The following ADIPOR2 variants were observed in gnomAD, a reference collection of about 807,000 sequenced individuals.
ADIPOR2 encodes the protein adiponectin receptor 2.
ADIPOR2 carries 18 observed loss-of-function variants against 40.9 expected under a neutral mutation model. The observed-to-expected ratio is 0.44, with a 90% CI of 0.30 to 0.65. The LOEUF is 0.65. Among genes scored for constraint, ADIPOR2 ranks in the 30% least tolerant of loss-of-function variants. The pLI is 0.09. For synonymous variants in ADIPOR2, 165 were observed against 166.4 expected, an observed-to-expected ratio of 0.99 and a Z score of 0.06; for missense variants, 283 against 479.2, an observed-to-expected ratio of 0.59 and a Z score of 3.82.
intron 1 of ADIPOR2, among the ~76,000 whole-genome samples, chr12:1,720,498 G>T (rs1022858052): frequency 6.6e-6 from 1 of 152,184 alleles, no homozygotes; most frequent in Non-Finnish European, 1.5e-5. Flanking sequence ...TTCTTTCACA[G>T]CTAGACTGTC....
chr12:1,729,409 C>T (rs190426719), intron 1 of ADIPOR2, among the ~76,000 whole-genome samples: 2 of 151,564 alleles, frequency 1.3e-5, no homozygotes, highest in Non-Finnish European at 2.9e-5. Flanking sequence ...GAATGATAGC[C>T]ATAGGAAGGG....
intron 4 of ADIPOR2, among the ~76,000 whole-genome samples, chr12:1,779,700 G>T (rs1219309298): frequency 2.0e-5 from 3 of 152,208 alleles, no homozygotes; most frequent in Non-Finnish European, 4.4e-5. Flanking sequence ...CTGCCTGCTA[G>T]TATAGTGAGA....
chr12:1,757,396 T>G, intron 2 of ADIPOR2: 1 of 725,604 alleles, frequency 1.4e-6, no homozygotes, highest in East Asian at 2.5e-5. Flanking sequence ...GCATCTTTCA[T>G]GTGAACCACA....
At chr12:1,738,300 G>T (rs1473425613) in intron 1 of ADIPOR2, among the ~76,000 whole-genome samples, 2 of 151,760 alleles carry the variant, frequency 1.3e-5, no homozygotes, top group Non-Finnish European at 2.9e-5. Context: ...AGGATCACTT[G>T]AATCTGGGAA....
intron 1 of ADIPOR2, among the ~76,000 whole-genome samples, chr12:1,753,852 T>G (rs1862056388): frequency 6.6e-6 from 1 of 152,136 alleles, no homozygotes; most frequent in Non-Finnish European, 1.5e-5. Flanking sequence ...TATACTATTT[T>G]TTAAATTAAA....
At chr12:1,707,758 C>T (rs191928154) in intron 1 of ADIPOR2, among the ~76,000 whole-genome samples, 1 of 152,168 alleles carries the variant, frequency 6.6e-6, no homozygotes, top group African/African-American at 2.4e-5. Context: ...TAGGTGTCAG[C>T]CACCATGCCT....
At chr12:1,781,878 T>C (rs1862727138) in intron 6 of ADIPOR2, among the ~76,000 whole-genome samples, 1 of 152,212 alleles carries the variant, frequency 6.6e-6, no homozygotes, top group East Asian at 1.9e-4. Context: ...CACTCTGCCG[T>C]CCTCCTTTTT....
At chr12:1,744,107 T>C (rs1009243785) in intron 1 of ADIPOR2, among the ~76,000 whole-genome samples, 27 of 151,998 alleles carry the variant, frequency 1.8e-4, no homozygotes, top group African/African-American at 6.5e-4. Context: ...TCTTTTTTTT[T>C]TCTGTATTTT....
At chr12:1,760,641 G>A (rs967526245) in intron 2 of ADIPOR2, 1 of 152,154 alleles carries the variant, frequency 6.6e-6, no homozygotes, top group Non-Finnish European at 1.5e-5. Flanking sequence ...CAATATTGTA[G>A]TATGTACCAG....
At chr12:1,748,822 A>C (rs1408389567) in intron 1 of ADIPOR2, among the ~76,000 whole-genome samples, 1 of 151,966 alleles carries the variant, frequency 6.6e-6, no homozygotes. Context: ...GATCACACAC[A>C]TGGGGTTGTT....
At chr12:1,784,395 G>T (rs570867026) in intron 7 of ADIPOR2, among the ~76,000 whole-genome samples, 9 of 152,340 alleles carry the variant, frequency 5.9e-5, no homozygotes, top group Non-Finnish European at 1.3e-4. Context: ...GAGGCCACTT[G>T]TCCAAGCCAT....
intron 2 of ADIPOR2, among the ~76,000 whole-genome samples, chr12:1,763,516 G>GTA (rs1198295121): frequency 6.6e-6 from 1 of 152,134 alleles, no homozygotes; most frequent in Non-Finnish European, 1.5e-5. Context: ...CATTGGAGGT[G>GTA]TATATTTGTG....
intron 2 of ADIPOR2, among the ~76,000 whole-genome samples, chr12:1,764,558 A>AACACACACACACAC (rs59660682): frequency 3.4e-5 from 4 of 119,086 alleles, no homozygotes; most frequent in South Asian, 2.8e-4. Context: ...TAAAGTATTA[A>AACACACACACACAC]ACACACACAC....
intron 2 of ADIPOR2, among the ~76,000 whole-genome samples, chr12:1,768,445 C>CT (rs1368755753): frequency 2.0e-5 from 3 of 152,012 alleles, no homozygotes; most frequent in Non-Finnish European, 4.4e-5. Context: ...CTAGCTATAC[C>CT]TTTTTTTCTA....
chr12:1,772,054 CCTT>C (rs1301037163), intron 2 of ADIPOR2, among the ~76,000 whole-genome samples: 1 of 152,150 alleles, frequency 6.6e-6, no homozygotes, highest in Non-Finnish European at 1.5e-5. Flanking sequence ...AGTCTACTGC[CCTT>C]CTTCTCACAA....
chr12:1,777,382 C>CTTTT (rs59141974), intron 3 of ADIPOR2, among the ~76,000 whole-genome samples: 109 of 98,690 alleles, frequency 1.1e-3, no homozygotes, highest in Middle Eastern at 7.7e-3. Context: ...TTTTTTCTTT[C>CTTTT]TTTTTTTTTT....
intron 1 of ADIPOR2, among the ~76,000 whole-genome samples, chr12:1,733,967 C>T (rs548460196): frequency 6.6e-6 from 1 of 152,214 alleles, no homozygotes; most frequent in South Asian, 2.1e-4. Context: ...CATAGTATTC[C>T]ATGGTGTATA....
intron 2 of ADIPOR2, chr12:1,758,122 T>C (rs1015988186): frequency 2.3e-5 from 11 of 476,524 alleles, no homozygotes; most frequent in Non-Finnish European, 3.7e-5. Flanking sequence ...GTTGTAATAC[T>C]ATATATTTTT....
intron 1 of ADIPOR2, among the ~76,000 whole-genome samples, chr12:1,752,886 A>G (rs1190776938): frequency 6.6e-6 from 1 of 152,236 alleles, no homozygotes; most frequent in Non-Finnish European, 1.5e-5. Context: ...AGAAATGGGC[A>G]TTAATAACAT....
Sources: gnomAD v4.1 joint callset for allele counts (sites outside exome capture counted in the v4.1 genomes callset) on GRCh38, gnomAD v4.1.1 for gene constraint, MANE v1.5 for transcripts, NCBI Gene and HGNC (gene_info 2026-07-23, HGNC 2026-07-21) for gene names.